The following KHDRBS2 variants were observed in gnomAD, a reference collection of about 807,000 sequenced individuals.
KHDRBS2 encodes the protein KH RNA binding domain containing, signal transduction associated 2.
KHDRBS2 carries 26 observed loss-of-function variants against 44.3 expected under a neutral mutation model. The observed-to-expected ratio is 0.59, with a 90% confidence interval of 0.43 to 0.81. The LOEUF (loss-of-function observed/expected upper bound fraction) is 0.81, where lower values mean the gene tolerates loss of function less well. Ranked by LOEUF, KHDRBS2 falls within the 40% of genes least tolerant of loss-of-function variation. The pLI is 0.00. For missense variants in KHDRBS2, 476 were observed against 433.1 expected, an observed-to-expected ratio of 1.10 and a Z score of -0.88; for synonymous variants, 194 against 151.1, an observed-to-expected ratio of 1.28 and a Z score of -2.08.
chr6:61,565,973 A>G, the KHDRBS2 span, among the ~76,000 whole-genome samples: 2 of 149,416 alleles, frequency 1.3e-5, no homozygotes, highest in African/African-American at 4.9e-5. Context: ...GTGTCCATCA[A>G]CAGATGTATG....
chr6:61,592,188 CAAAAAAAAAAAA>C, the KHDRBS2 span, among the ~76,000 whole-genome samples: 93 of 122,196 alleles, frequency 7.6e-4, no homozygotes, highest in East Asian at 1.0e-3. Context: ...AAGATCCCAC[CAAAAAAAAAAAA>C]AAAAAAAAAA....
chr6:62,135,945 A>C (rs1362565604), intron 2 of KHDRBS2, among the ~76,000 whole-genome samples: 4 of 152,114 alleles, frequency 2.6e-5, no homozygotes, highest in African/African-American at 7.2e-5. Context: ...ACGAAGATGT[A>C]GTTATCTCAG....
chr6:62,153,282 A>G (rs1386425855), intron 2 of KHDRBS2, among the ~76,000 whole-genome samples: 3 of 152,204 alleles, frequency 2.0e-5, no homozygotes, highest in Non-Finnish European at 4.4e-5. Context: ...TCTAATGCTG[A>G]GCAAATGATG....
chr6:61,652,657 A>G, the KHDRBS2 span, among the ~76,000 whole-genome samples: 1 of 152,046 alleles, frequency 6.6e-6, no homozygotes, highest in Non-Finnish European at 1.5e-5. Context: ...TTCAAAGAAA[A>G]GTGGCAAAGG....
chr6:61,756,915 C>T lies in KHDRBS2; in HGVS notation c.811-24151G>A, dbSNP rs140829713. Among the ~76,000 whole-genome samples, 36 of 152,324 alleles carry T rather than the reference C, an allele frequency of 2.4e-4. No individual in the cohort carries two copies. The East Asian group carries it at 6.6e-3, about 28-fold the overall frequency. The stretch of plus-strand genomic sequence containing the variant: ...CTCAGGCAACAAATGATCTGCTTTG[C>T]TACTACAGATTAGTTTGATTTTTCT... On this transcript the variant is annotated intron_variant, in intron 6 of 8. Coordinates refer to ENST00000281156, the MANE Select transcript of KHDRBS2 (RefSeq NM_152688.4).
chr6:62,162,456 T>C (rs565305495), intron 2 of KHDRBS2, among the ~76,000 whole-genome samples: 12 of 152,244 alleles, frequency 7.9e-5, no homozygotes, highest in African/African-American at 2.9e-4. Context: ...ATAGTCCTAT[T>C]AAGTATACCT....
chr6:61,737,381 C>A (rs990862805), intron 6 of KHDRBS2, among the ~76,000 whole-genome samples: 21 of 151,918 alleles, frequency 1.4e-4, no homozygotes, highest in African/African-American at 5.1e-4. Context: ...ATTTTTAAAA[C>A]CATCTTTTTA....
intron 2 of KHDRBS2, among the ~76,000 whole-genome samples, chr6:62,070,377 T>C (rs1584500793): frequency 6.6e-6 from 1 of 151,974 alleles, no homozygotes; most frequent in Non-Finnish European, 1.5e-5. Flanking sequence ...TTAGGATACA[T>C]GTGCACAATG....
chr6:61,723,693 A>G (rs900607016), intron 7 of KHDRBS2, among the ~76,000 whole-genome samples: 3 of 152,196 alleles, frequency 2.0e-5, no homozygotes, highest in African/African-American at 7.2e-5. Flanking sequence ...AGAAGTATCA[A>G]TAGCAGAATA....
chr6:61,690,011 C>T (rs1412174305), intron 8 of KHDRBS2, among the ~76,000 whole-genome samples: 2 of 151,966 alleles, frequency 1.3e-5, no homozygotes, highest in African/African-American at 4.8e-5. Flanking sequence ...GTCCAAAATA[C>T]TTAGCAAATA....
chr6:62,142,896 ATT>A (rs1031500904), intron 2 of KHDRBS2, among the ~76,000 whole-genome samples: 4 of 151,130 alleles, frequency 2.6e-5, no homozygotes, highest in Admixed American at 1.3e-4. Flanking sequence ...GAATGACTGA[ATT>A]GACTTGATTT....
At chr6:61,652,406 C>T in the KHDRBS2 span, 1 of 151,884 alleles carries the variant, frequency 6.6e-6, no homozygotes, top group East Asian at 1.9e-4. Flanking sequence ...ATTACTTATA[C>T]ATATACATGC....
the KHDRBS2 span, among the ~76,000 whole-genome samples, chr6:61,543,300 A>C: frequency 6.6e-6 from 1 of 152,064 alleles, no homozygotes; most frequent in African/African-American, 2.4e-5. Flanking sequence ...AATGAGCAAA[A>C]GATCTCAGTA....
chr6:61,580,668 C>G, the KHDRBS2 span, among the ~76,000 whole-genome samples: 1 of 151,996 alleles, frequency 6.6e-6, no homozygotes, highest in South Asian at 2.1e-4. Context: ...AGACCATGAA[C>G]CCACCAGAAG....
the KHDRBS2 span, among the ~76,000 whole-genome samples, chr6:61,601,813 G>T: frequency 1.3e-5 from 2 of 151,854 alleles, no homozygotes; most frequent in Admixed American, 6.6e-5. Context: ...TAATCCTTTT[G>T]TCACCTCCCC....
chr6:62,011,034 G>T (rs1260353756), intron 3 of KHDRBS2, among the ~76,000 whole-genome samples: 1 of 151,924 alleles, frequency 6.6e-6, no homozygotes, highest in South Asian at 2.1e-4. Context: ...TCACTTTGTG[G>T]TTTCTAATGA....
chr6:61,993,674 T>TC (rs58974944), intron 3 of KHDRBS2, among the ~76,000 whole-genome samples: 1 of 84,332 alleles, frequency 1.2e-5, no homozygotes, highest in Non-Finnish European at 2.4e-5. Flanking sequence ...TATATATATA[T>TC]TTTTTTTTTT....
intron 6 of KHDRBS2, among the ~76,000 whole-genome samples, chr6:61,805,678 C>G (rs1582931516): frequency 6.6e-6 from 1 of 152,126 alleles, no homozygotes; most frequent in East Asian, 1.9e-4. Context: ...CACAGGGGAG[C>G]AGGAGAGAGA....
intron 2 of KHDRBS2, among the ~76,000 whole-genome samples, chr6:62,144,089 C>T (rs572462697): frequency 1.3e-5 from 2 of 151,990 alleles, no homozygotes; most frequent in South Asian, 4.1e-4. Flanking sequence ...ATCAAGCACA[C>T]TATTTCAACC....
Sources: gnomAD v4.1 joint callset for allele counts (sites outside exome capture counted in the v4.1 genomes callset) on GRCh38, gnomAD v4.1.1 for gene constraint, MANE v1.5 for transcripts, NCBI Gene and HGNC (gene_info 2026-07-23, HGNC 2026-07-21) for gene names.